Variants in APOBEC3F observed in about 807,000 individuals in gnomAD.
APOBEC3F encodes the protein apolipoprotein B mRNA editing enzyme catalytic subunit 3F, also known as DNA dC->dU-editing enzyme APOBEC-3F.
APOBEC3F carries 34 observed loss-of-function variants against 45.8 expected under a neutral mutation model. The ratio of observed to expected loss-of-function variants is 0.74; its 90% confidence interval spans 0.57 to 0.99. The LOEUF is 0.99. Among genes scored for constraint, APOBEC3F ranks in the 50% least tolerant of loss-of-function variants. The pLI, the probability that APOBEC3F is intolerant of heterozygous loss-of-function variation, is 0.00. For synonymous variants in APOBEC3F, 192 were observed against 174.4 expected (o/e 1.10, Z -0.80); for missense variants, 459 against 474.1 (o/e 0.97, Z 0.30).
chr22:39,050,024 C>G (rs538593532), intron 5 of APOBEC3F, among the ~76,000 whole-genome samples: 37 of 151,342 alleles, frequency 2.4e-4, no homozygotes, highest in Admixed American at 5.3e-4. Flanking sequence ...TTTTTAAGTC[C>G]GTGGCCCAGA....
intron 1 of APOBEC3F, 86 bp from the exon 2 acceptor site, chr22:39,042,851 G>A (rs1239185830): frequency 1.9e-6 from 3 of 1,566,958 alleles, no homozygotes; most frequent in Non-Finnish European, 2.6e-6. Flanking sequence ...CCAGAGCCAT[G>A]CAGGGGGCTG....
intron 4 of APOBEC3F, 60 bp downstream of exon 4, chr22:39,045,602 A>C: frequency 1.2e-6 from 2 of 1,609,930 alleles, no homozygotes; most frequent in Non-Finnish European, 1.7e-6. Flanking sequence ...CATCCTCCTG[A>C]GGCCTCCCCT....
In APOBEC3F at chr22:39,052,633, T is replaced by C; in HGVS notation, c.1060T>C (p.Trp354Arg). 6.2e-7 allele frequency: 1 copy of C among 1,614,084 alleles called. No homozygotes were observed. The highest frequency in any genetic ancestry group is 8.5e-7 in the Non-Finnish European group (1 of 1,179,996). The change falls in exon 7 of 7, where the codon TGG becomes CGG. Residue 354 changes from tryptophan (W) to arginine (R), a missense_variant. Coordinates refer to ENST00000308521, the MANE Select transcript of APOBEC3F (RefSeq NM_145298.6). ...VYNDDEPFKP[W>R]KGLKYNFLFL... The stretch of plus-strand genomic sequence containing the variant: ...CAATGATGATGAGCCATTCAAGCCT[T>C]GGAAAGGACTAAAATACAACTTTCT...
chr22:39,049,512 G>C lies in APOBEC3F; in HGVS notation c.654G>C (p.Leu218=). The C allele has an allele frequency of 6.2e-7, 1 of 1,614,072 alleles. No individual in the cohort carries two copies. Among genetic ancestry groups the C allele is most frequent in the African/African-American group, 1.3e-5 (1 of 75,006 alleles). ...RKAYGRNESW[L]CFTMEVVKHH... ...CCTATGGTCGGAACGAAAGCTGGCT[G>C]TGCTTCACCATGGAAGTTGTAAAGC... Residue 218 remains leucine, a synonymous_variant, in exon 5 of 7, where the codon CTG becomes CTC. Coordinates refer to ENST00000308521, the MANE Select transcript of APOBEC3F (RefSeq NM_145298.6).
At position 39,040,927 on chromosome 22, in the gene APOBEC3F, G is replaced by A. The variant is rs1467946811; in HGVS notation, c.-34G>A. On this transcript the variant is annotated 5_prime_UTR_variant, in exon 1 of 7. Transcript: ENST00000308521. The stretch of plus-strand genomic sequence containing the variant: ...CAGAAAGTGAAACCCTGGTGCTCCA[G>A]ACAAAGATCTTAGTCGGGACTAGCC... 4.5e-6 allele frequency: 7 copies of A among 1,564,206 alleles called. No individual in the cohort carries two copies. In the East Asian group the frequency reaches 9.4e-5, roughly 21 times the overall value.
At chr22:39,049,052 G>A (rs34519338) in intron 4 of APOBEC3F, among the ~76,000 whole-genome samples, 3 of 152,054 alleles carry the variant, frequency 2.0e-5, no homozygotes, top group Non-Finnish European at 2.9e-5. Context: ...TGATACCAAC[G>A]TAAAAAGAAT....
chr22:39,052,934 C>A lies in APOBEC3F; in HGVS notation c.*239C>A. ...CATCCACCCACCAAGACCCTGTTCC[C>A]TGAGCCTGCATGCCCCTAACCTGCC... On this transcript the variant is annotated 3_prime_UTR_variant, in exon 7 of 7. Coordinates refer to ENST00000308521, the MANE Select transcript of APOBEC3F (RefSeq NM_145298.6). 1 of 925,054 alleles carries A rather than the reference C, an allele frequency of 1.1e-6. No homozygotes were observed. The highest frequency in any genetic ancestry group is 1.4e-6 in the Non-Finnish European group (1 of 692,042). 57.3% of individuals were successfully genotyped at this position (925,054 alleles called of 1,614,324 possible). A position where few individuals can be genotyped will look rare whatever the true frequency, so the allele number is the denominator to read the frequency against.
rs371538178 is a variant in APOBEC3F, at chr22:39,045,521, G to A, written c.545G>A (p.Arg182His). ...KFDDNYAFLH[R>H]TLKEILRNPM... ...GATGACAATTATGCATTCCTGCACCGCACGCTAAAGGAGATTCTCAGGTGA... is the reference window on the plus strand; with the variant it reads ...GATGACAATTATGCATTCCTGCACCACACGCTAAAGGAGATTCTCAGGTGA... Residue 182 changes from arginine (R) to histidine (H), a missense_variant, in exon 4 of 7, where the codon CGC becomes CAC. By Grantham distance (29) the Arg-to-His change is conservative. Coordinates refer to ENST00000308521, the MANE Select transcript of APOBEC3F (RefSeq NM_145298.6). The A allele has an allele frequency of 4.0e-5, 65 of 1,613,994 alleles. No homozygotes were observed. Among genetic ancestry groups the A allele is most frequent in the Admixed American group, 5.0e-5 (3 of 59,988 alleles).
At chr22:39,047,805 C>G (rs1412424183) in intron 4 of APOBEC3F, among the ~76,000 whole-genome samples, 1 of 152,108 alleles carries the variant, frequency 6.6e-6, no homozygotes, top group Non-Finnish European at 1.5e-5. Context: ...TGCTCCCTCT[C>G]TGTGCTTCTC....
intron 4 of APOBEC3F, among the ~76,000 whole-genome samples, chr22:39,047,031 A>G (rs906003407): frequency 6.6e-6 from 1 of 152,038 alleles, no homozygotes; most frequent in African/African-American, 2.4e-5. Context: ...GGCCGGGGAC[A>G]CCAGCCTCCA....
chr22:39,048,393 G>A (rs1927321887), intron 4 of APOBEC3F, among the ~76,000 whole-genome samples: 1 of 152,250 alleles, frequency 6.6e-6, no homozygotes, highest in African/African-American at 2.4e-5. Flanking sequence ...GGCCTAGGCT[G>A]GCCGGGCACA....
intron 4 of APOBEC3F, 50 bp from the exon 5 acceptor site, chr22:39,049,375 G>A (rs2014881): frequency 0.52 from 825,648 of 1,596,532 alleles, 220,073 homozygotes; most frequent in East Asian, 0.71. Context: ...CATCAGCTCC[G>A]AGGAATCCAG....
Position 39,045,010 on chromosome 22 carries a change from G to A in APOBEC3F, c.241G>A (p.Ala81Thr). 6.2e-7 allele frequency: 1 copy of A among 1,614,042 alleles called. No homozygotes were observed. Among genetic ancestry groups the A allele is most frequent in the Non-Finnish European group, 8.5e-7 (1 of 1,180,006 alleles). The change falls in exon 3 of 7, where the codon GCT (alanine) becomes ACT (threonine). Residue 81 changes from alanine to threonine, a missense_variant. Ala to Thr is a moderately conservative substitution (Grantham distance 58, BLOSUM62 0). Transcript: ENST00000308521. ...TTGGTTCTGTGGCAACCAGCTGCCT[G>A]CTTACAAGTGTTTCCAGATCACCTG... The part of the protein sequence containing the change: ...LSWFCGNQLP[A>T]YKCFQITWFV...
intron 4 of APOBEC3F, among the ~76,000 whole-genome samples, chr22:39,046,796 A>G (rs369405732): frequency 2.6e-5 from 4 of 152,076 alleles, no homozygotes; most frequent in African/African-American, 9.6e-5. Context: ...TTGTATTTTT[A>G]GTAGAGACGG....
rs997823118 is a variant in APOBEC3F at position 39,054,209 on chromosome 22, A to C, written c.*1514A>C. 3.2e-4 allele frequency among the ~76,000 whole-genome samples: 49 copies of C among 151,760 alleles called. No individual in the cohort carries two copies. Among genetic ancestry groups the C allele is most frequent in the African/African-American group, 1.1e-3 (45 of 41,296 alleles). Reference sequence around the variant, plus strand: ...TGTATTTTTCATAAAAACGGGTTTCATCATGTTTCCCAGGCTGGTCTTATT... The same window carrying C: ...TGTATTTTTCATAAAAACGGGTTTCCTCATGTTTCCCAGGCTGGTCTTATT... On this transcript the variant is annotated 3_prime_UTR_variant, in exon 7 of 7. Coordinates refer to ENST00000308521, the MANE Select transcript of APOBEC3F (RefSeq NM_145298.6).
chr22:39,047,159 G>A (rs911806298), intron 4 of APOBEC3F, among the ~76,000 whole-genome samples: 11 of 152,008 alleles, frequency 7.2e-5, no homozygotes, highest in African/African-American at 2.7e-4. Context: ...GACATCTGAG[G>A]GCACCCCCAC....
At chr22:39,043,849 G>A (rs1262312249) in intron 2 of APOBEC3F, among the ~76,000 whole-genome samples, 10 of 150,982 alleles carry the variant, frequency 6.6e-5, no homozygotes, top group Middle Eastern at 3.4e-3. Context: ...GTGAAATCCC[G>A]TCTCTACTAA....
At chr22:39,049,696 T>TTTA in intron 5 of APOBEC3F, 115 bp downstream of exon 5, 1 of 1,182,558 alleles carries the variant, frequency 8.5e-7, no homozygotes, top group Non-Finnish European at 1.1e-6. Context: ...TCCTCTTACA[T>TTTA]TTCTTTTTTT....
intron 5 of APOBEC3F, among the ~76,000 whole-genome samples, chr22:39,051,813 G>C (rs576032473): frequency 1.3e-5 from 2 of 152,242 alleles, no homozygotes; most frequent in Admixed American, 1.3e-4. Flanking sequence ...AATTAGGCAG[G>C]CGTGGTGGCA....
Sources: gnomAD v4.1 joint callset for allele counts (sites outside exome capture counted in the v4.1 genomes callset) on GRCh38, gnomAD v4.1.1 for gene constraint, MANE v1.5 for transcripts, NCBI Gene and HGNC (gene_info 2026-07-23, HGNC 2026-07-21) for gene names.